The following INPP5A variants were observed in gnomAD, a reference collection of about 807,000 sequenced individuals.
INPP5A encodes the protein 43 kDa inositol polyphosphate 5-phophatase.
INPP5A carries 14 observed loss-of-function variants against 65.2 expected under a neutral mutation model. The observed-to-expected ratio is 0.21, with a 90% CI of 0.14 to 0.34. INPP5A has a LOEUF of 0.34. Ranked by LOEUF, INPP5A falls within the 10% of genes least tolerant of loss-of-function variation. The pLI is 1.00. For missense variants in INPP5A, 431 were observed against 545.6 expected (o/e 0.79, Z 2.09); for synonymous variants, 207 against 208.3 (o/e 0.99, Z 0.05).
intron 12 of INPP5A, among the ~76,000 whole-genome samples, chr10:132,774,828 A>G (rs1179924708): frequency 7.5e-6 from 1 of 133,500 alleles, no homozygotes; most frequent in Non-Finnish European, 1.6e-5. Flanking sequence ...AGAGAGGGGC[A>G]CGGAGGAGAG....
rs575943707 is a variant in INPP5A at position 132,651,304 on chromosome 10, G to T, written c.306+799G>T. On this transcript the variant is annotated intron_variant, in intron 4 of 15. Coordinates refer to ENST00000368594, the MANE Select transcript of INPP5A (RefSeq NM_005539.5). This position sits in a 1 kb window ranked among gnomAD's most constrained non-coding sequence, Gnocchi z 5.0. The stretch of plus-strand genomic sequence containing the variant: ...CTGGGTCCATCTCCCCCGTCTCTGG[G>T]GAGGCCCTGGGTCCCCCGGCCTGGA... Among the ~76,000 whole-genome samples the T allele has an allele frequency of 7.6e-6, 1 of 131,756 alleles. No individual in the cohort carries two copies. The highest frequency in any genetic ancestry group is 2.4e-4 in the East Asian group (1 of 4,100). The allele number at this position is 131,756 out of a possible 152,430, so 86.4% of individuals were successfully genotyped here. A position where few individuals can be genotyped will look rare whatever the true frequency, so the allele number is the denominator to read the frequency against.
chr10:132,754,115 A>G (rs900748866), intron 11 of INPP5A: 1 of 152,120 alleles, frequency 6.6e-6, no homozygotes, highest in African/African-American at 2.4e-5. Context: ...ACTTCTCAGA[A>G]CCAGTGGCTG....
At chr10:132,614,915 T>G (rs1345417194) in intron 2 of INPP5A, among the ~76,000 whole-genome samples, 1 of 152,270 alleles carries the variant, frequency 6.6e-6, no homozygotes, top group Non-Finnish European at 1.5e-5. Context: ...GGCCTCGCTC[T>G]TATCCTCCCA....
intron 1 of INPP5A, among the ~76,000 whole-genome samples, chr10:132,605,355 A>T (rs1335386624): frequency 1.1e-5 from 1 of 91,588 alleles, no homozygotes; most frequent in Non-Finnish European, 2.2e-5. Context: ...TTGATCCCCC[A>T]GGAGTGAGGG....
chr10:132,634,258 C>T (rs938350746), intron 2 of INPP5A, among the ~76,000 whole-genome samples: 2 of 152,050 alleles, frequency 1.3e-5, no homozygotes, highest in South Asian at 2.1e-4. Context: ...CGTGTCATCT[C>T]CCTTGGCAGG....
chr10:132,750,893 G>A (rs1590982717), intron 11 of INPP5A, among the ~76,000 whole-genome samples: 1 of 152,226 alleles, frequency 6.6e-6, no homozygotes, highest in East Asian at 1.9e-4. Flanking sequence ...GGTAGACCCA[G>A]GACACTGCAG....
intron 9 of INPP5A, 38 bp downstream of exon 9, chr10:132,726,943 T>G: frequency 6.9e-7 from 1 of 1,445,238 alleles, no homozygotes; most frequent in South Asian, 1.2e-5. Context: ...GTCTCATGCC[T>G]TGCTCTGTGT....
chr10:132,657,701 T>C (rs1424161804), intron 4 of INPP5A, among the ~76,000 whole-genome samples: 1 of 152,218 alleles, frequency 6.6e-6, no homozygotes, highest in Non-Finnish European at 1.5e-5. Context: ...AGGGAGAATT[T>C]ATGGAAAATT....
intron 1 of INPP5A, among the ~76,000 whole-genome samples, chr10:132,542,737 C>T (rs528759981): frequency 1.3e-5 from 2 of 152,362 alleles, no homozygotes; most frequent in Admixed American, 6.5e-5. Context: ...TCTTCAGGGA[C>T]GTTTCACTTG....
chr10:132,696,516 G>A (rs773966532), intron 5 of INPP5A, among the ~76,000 whole-genome samples: 8 of 152,140 alleles, frequency 5.3e-5, no homozygotes, highest in Non-Finnish European at 1.0e-4. Flanking sequence ...TTGAAGCTGC[G>A]AGAAGACACA....
At chr10:132,559,462 C>T (rs2071173142) in intron 1 of INPP5A, among the ~76,000 whole-genome samples, 1 of 152,230 alleles carries the variant, frequency 6.6e-6, no homozygotes, top group African/African-American at 2.4e-5. Flanking sequence ...GTTTTTATCA[C>T]CTCTGAAAGA....
rs527955656 is a variant in INPP5A at position 132,650,668 on chromosome 10, G to A, written c.306+163G>A. The stretch of plus-strand genomic sequence containing the variant: ...CCGCAGCCTGCTTGGTGGTCTGCTC[G>A]TGGTCTGAGCCCATGGCTGGCCTGG... On this transcript the variant is annotated intron_variant, in intron 4 of 15. Transcript: ENST00000368594. The surrounding 1 kb of genome is among the most constrained non-coding windows in gnomAD (Gnocchi z 5.5). Among the ~76,000 whole-genome samples, 4 of 152,320 alleles carry A rather than the reference G, an allele frequency of 2.6e-5. No individual in the cohort carries two copies. The highest frequency in any genetic ancestry group is 3.9e-4 in the East Asian group (2 of 5,178).
chr10:132,691,523 C>T (rs1164444569), intron 5 of INPP5A, among the ~76,000 whole-genome samples: 1 of 152,246 alleles, frequency 6.6e-6, no homozygotes, highest in Non-Finnish European at 1.5e-5. Context: ...TGCGCCGTGC[C>T]GCGGATCTGC....
Position 132,546,070 on chromosome 10 carries a change from G to T in INPP5A, c.75+7899G>T, listed in dbSNP as rs2070966615. Reference sequence around the variant, plus strand: ...CCGTTGTGTTGGGATGAGTGGCCGAGGCGTCTGGGGACGTCCTGGAGCCTG... The same window carrying T: ...CCGTTGTGTTGGGATGAGTGGCCGATGCGTCTGGGGACGTCCTGGAGCCTG... On this transcript the variant is annotated intron_variant, in intron 1 of 15. Coordinates refer to ENST00000368594, the MANE Select transcript of INPP5A (RefSeq NM_005539.5). This position sits in a 1 kb window ranked among gnomAD's most constrained non-coding sequence, Gnocchi z 5.7. 6.6e-6 allele frequency among the ~76,000 whole-genome samples: 1 copy of T among 152,214 alleles called. No homozygotes were observed.
chr10:132,769,458 A>G (rs34854637), intron 12 of INPP5A, among the ~76,000 whole-genome samples: 28,959 of 152,144 alleles, frequency 0.19, 2,888 homozygotes, highest in Non-Finnish European at 0.23. Flanking sequence ...TGGTGCCTTC[A>G]GGCCAGGACA....
intron 8 of INPP5A, among the ~76,000 whole-genome samples, chr10:132,719,877 A>G (rs1845831164): frequency 6.7e-6 from 1 of 149,088 alleles, no homozygotes; most frequent in African/African-American, 2.5e-5. Context: ...TGGGCGCCTT[A>G]GACGGCTGTC....
intron 4 of INPP5A, among the ~76,000 whole-genome samples, chr10:132,685,808 G>T (rs139738434): frequency 6.6e-6 from 1 of 152,206 alleles, no homozygotes; most frequent in Admixed American, 6.5e-5. Context: ...GTCTGCTCCC[G>T]CCCTGAGTTG....
At chr10:132,646,940 T>C (rs1230257258) in intron 3 of INPP5A, among the ~76,000 whole-genome samples, 1 of 152,104 alleles carries the variant, frequency 6.6e-6, no homozygotes, top group Non-Finnish European at 1.5e-5. Flanking sequence ...CTGGTGCCAG[T>C]GTGAGTGTGA....
intron 5 of INPP5A, among the ~76,000 whole-genome samples, chr10:132,695,359 A>T (rs1011805225): frequency 6.6e-6 from 1 of 152,238 alleles, no homozygotes; most frequent in African/African-American, 2.4e-5. Context: ...TCAACCTGAT[A>T]AAGAAGAGCT....
Sources: gnomAD v4.1 joint callset for allele counts (sites outside exome capture counted in the v4.1 genomes callset) on GRCh38, gnomAD v4.1.1 for gene constraint, Gnocchi (gnomAD v3.1) non-coding constraint, MANE v1.5 for transcripts, NCBI Gene and HGNC (gene_info 2026-07-23, HGNC 2026-07-21) for gene names.